The following ATP2C1 variants were observed in gnomAD, a reference collection of about 807,000 sequenced individuals.
ATP2C1 encodes the protein ATPase secretory pathway Ca2+ transporting 1.
Under a neutral mutation model 120.5 loss-of-function variants are expected in ATP2C1, and 31 were observed. The observed-to-expected ratio is 0.26, with a 90% CI of 0.19 to 0.35. The LOEUF is 0.35. Among genes scored for constraint, ATP2C1 ranks in the 10% least tolerant of loss-of-function variants. ATP2C1 has a pLI of 1.00. For missense variants in ATP2C1, 731 were observed against 1,107.5 expected, an observed-to-expected ratio of 0.66 and a Z score of 4.83; for synonymous variants, 351 against 358.7, an observed-to-expected ratio of 0.98 and a Z score of 0.24.
At chr3:130,877,438 A>T (rs1464627957) in intron 1 of ATP2C1, among the ~76,000 whole-genome samples, 2 of 152,260 alleles carry the variant, frequency 1.3e-5, no homozygotes, top group Non-Finnish European at 2.9e-5. Flanking sequence ...AAACAAATTT[A>T]CAAGAAAAAA....
At chr3:130,975,050 T>A (rs993594247) in intron 17 of ATP2C1, among the ~76,000 whole-genome samples, 1 of 152,228 alleles carries the variant, frequency 6.6e-6, no homozygotes. Flanking sequence ...TTTCCTGTTA[T>A]GTTGCAGTGA....
Position 130,996,782 on chromosome 3 carries a change from A to T in ATP2C1, c.2229A>T (p.Gly743=). The T allele has an allele frequency of 3.7e-6, 6 of 1,606,076 alleles. No homozygotes were observed. The highest frequency in any genetic ancestry group is 4.3e-6 in the Non-Finnish European group (5 of 1,172,760). ...QILWINIIMD[G]PPAQSLGVEP... ...TGTGGATCAATATTATTATGGATGG[A>T]CCCCCAGCTCAGAGGTACGAGTTTT... Residue 743 remains glycine, a synonymous_variant, in exon 24 of 28, where the codon GGA becomes GGT. Coordinates refer to ENST00000510168, the MANE Select transcript of ATP2C1 (RefSeq NM_001378687.1).
intron 2 of ATP2C1, among the ~76,000 whole-genome samples, chr3:130,910,971 T>A (rs1428310532): frequency 1.4e-5 from 2 of 144,546 alleles, no homozygotes; most frequent in African/African-American, 5.2e-5. Flanking sequence ...ATAAAATGAG[T>A]TAGGGAGGAT....
rs960387390 is a variant in ATP2C1 at position 130,963,721 on chromosome 3, A to T, written c.900-250A>T. The T allele has an allele frequency of 4.1e-5, 19 of 463,018 alleles. No homozygotes were observed. The East Asian group carries it at 8.3e-4, about 20-fold the overall frequency. 28.7% of individuals were successfully genotyped at this position (463,018 alleles called of 1,614,324 possible). ...TAGCCCAGGATCACACAAGTAAGAG[A>T]TGGTGAAGCCAGGGATACAAATCCA... On this transcript the variant is annotated intron_variant, in intron 12 of 27. Transcript: ENST00000510168.
chr3:130,855,729 G>T (rs746565577), intron 1 of ATP2C1, among the ~76,000 whole-genome samples: 2 of 152,104 alleles, frequency 1.3e-5, no homozygotes, highest in Admixed American at 1.3e-4. Context: ...GATGCCTGAG[G>T]GTCAACTTGT....
chr3:130,852,518 C>A (rs2067706606), intron 1 of ATP2C1, among the ~76,000 whole-genome samples: 1 of 152,104 alleles, frequency 6.6e-6, no homozygotes, highest in Non-Finnish European at 1.5e-5. Flanking sequence ...CAGTGTACAA[C>A]CATTTGGGAC....
At chr3:130,941,508 CA>C in intron 7 of ATP2C1, 82 bp from the exon 8 acceptor site, 1 of 1,131,436 alleles carries the variant, frequency 8.8e-7, no homozygotes, top group Non-Finnish European at 1.3e-6. Flanking sequence ...TTTCCTCAGA[CA>C]AGCCTACTGG....
chr3:130,951,077 TCTGA>T (rs917559125), intron 8 of ATP2C1, among the ~76,000 whole-genome samples: 9 of 152,292 alleles, frequency 5.9e-5, no homozygotes, highest in African/African-American at 9.6e-5. Flanking sequence ...TACGTGCAAC[TCTGA>T]CTGTTGTAAC....
At chr3:130,954,862 A>G in intron 9 of ATP2C1, 150 bp from the exon 10 acceptor site, 1 of 671,392 alleles carries the variant, frequency 1.5e-6, no homozygotes, top group Non-Finnish European at 2.7e-6. Context: ...GGAACATAAA[A>G]AAGTAAATTT....
intron 1 of ATP2C1, among the ~76,000 whole-genome samples, chr3:130,852,380 A>G (rs532735351): frequency 1.3e-5 from 2 of 151,988 alleles, no homozygotes; most frequent in African/African-American, 2.4e-5. Context: ...AGATGTGGCT[A>G]TATTGCTTGT....
At chr3:130,977,539 G>A (rs10490825) in intron 18 of ATP2C1, among the ~76,000 whole-genome samples, 15,414 of 152,172 alleles carry the variant, frequency 0.1, 964 homozygotes, top group Non-Finnish European at 0.14. Context: ...AAGAGGTCTT[G>A]AAGGTCTAAT....
intron 2 of ATP2C1, among the ~76,000 whole-genome samples, chr3:130,915,028 C>T (rs1270245643): frequency 6.6e-6 from 1 of 151,336 alleles, no homozygotes; most frequent in Non-Finnish European, 1.5e-5. Flanking sequence ...CTTCCTACCT[C>T]TTAGTAAAGA....
downstream of ATP2C1, among the ~76,000 whole-genome samples, chr3:131,005,352 A>G (rs1393033179): frequency 6.6e-6 from 1 of 152,132 alleles, no homozygotes; most frequent in Non-Finnish European, 1.5e-5. Context: ...TCCTAAGCTC[A>G]GGTGATCCAC....
At chr3:130,953,047 C>T (rs939804088) in intron 8 of ATP2C1, among the ~76,000 whole-genome samples, 2 of 152,054 alleles carry the variant, frequency 1.3e-5, no homozygotes, top group African/African-American at 4.8e-5. Flanking sequence ...TTCTGACTTA[C>T]TTGGCCCTAG....
At chr3:131,016,323 C>T (rs1281699412) in exon 27 of ATP2C1, 1 of 1,614,100 alleles carries the variant, frequency 6.2e-7, no homozygotes, top group East Asian at 2.2e-5. Context: ...CACCATCTTC[C>T]TGCAGCTCTT....
intron 5 of ATP2C1, among the ~76,000 whole-genome samples, chr3:130,935,670 C>T (rs1162175116): frequency 6.6e-6 from 1 of 152,138 alleles, no homozygotes; most frequent in Non-Finnish European, 1.5e-5. Context: ...GCATTAATGG[C>T]ACAAAAACAA....
chr3:130,940,993 C>T (rs1422920887), intron 7 of ATP2C1, among the ~76,000 whole-genome samples: 2 of 130,194 alleles, frequency 1.5e-5, no homozygotes, highest in Non-Finnish European at 3.4e-5. Flanking sequence ...CGGCTCACTG[C>T]AAGCTCCATC....
chr3:130,869,422 TAAAAAATAAAAAAAAAAAAAAAAAA>T (rs1200669252), intron 1 of ATP2C1: 1 of 54,808 alleles, frequency 1.8e-5, no homozygotes, highest in African/African-American at 9.7e-5. Context: ...GAATGATCAA[TAAAAAATAAAAAAAAAAAAAAAAAA>T]AAAAAAAAAA....
At chr3:130,952,445 C>T (rs1309870271) in intron 8 of ATP2C1, among the ~76,000 whole-genome samples, 1 of 152,050 alleles carries the variant, frequency 6.6e-6, no homozygotes, top group African/African-American at 2.4e-5. Context: ...TTTTTATGCT[C>T]AGAAGTGAAC....
Sources: gnomAD v4.1 joint callset for allele counts (sites outside exome capture counted in the v4.1 genomes callset) on GRCh38, gnomAD v4.1.1 for gene constraint, MANE v1.5 for transcripts, NCBI Gene and HGNC (gene_info 2026-07-23, HGNC 2026-07-21) for gene names.